The following KALRN variants were observed in gnomAD, a reference collection of about 807,000 sequenced individuals.
The protein encoded by KALRN is kalirin.
In KALRN, 70 loss-of-function variants were observed where a neutral mutation model predicts 353.7. The observed-to-expected ratio is 0.20, with a 90% confidence interval of 0.16 to 0.24. The LOEUF (loss-of-function observed/expected upper bound fraction) is 0.24, where lower values mean the gene tolerates loss of function less well. KALRN is among the 10% of genes least tolerant of loss of function. The pLI, the probability that KALRN is intolerant of heterozygous loss-of-function variation, is 1.00. For synonymous variants in KALRN, 1,391 were observed against 1,434.8 expected (o/e 0.97, Z 0.69); for missense variants, 2,791 against 3,756.7 (o/e 0.74, Z 6.72).
At chr3:124,311,478 A>G (rs925432578) in intron 6 of KALRN, among the ~76,000 whole-genome samples, 1 of 152,012 alleles carries the variant, frequency 6.6e-6, no homozygotes, top group African/African-American at 2.4e-5. Flanking sequence ...AAAGAAAAGT[A>G]AAACTCTGAT....
intron 34 of KALRN, among the ~76,000 whole-genome samples, chr3:124,601,800 T>C (rs1332749798): frequency 6.6e-6 from 1 of 151,866 alleles, no homozygotes; most frequent in Non-Finnish European, 1.5e-5. Context: ...GAGGCCAAGG[T>C]GGGTGGATTG....
chr3:124,689,197 G>A (rs1473028239), intron 51 of KALRN, among the ~76,000 whole-genome samples: 7 of 152,078 alleles, frequency 4.6e-5, no homozygotes, highest in Non-Finnish European at 7.4e-5. Context: ...CCACTATTTC[G>A]TCTATGTTTT....
intron 27 of KALRN, among the ~76,000 whole-genome samples, chr3:124,482,336 C>T (rs139269379): frequency 1.2e-3 from 178 of 152,202 alleles, no homozygotes; most frequent in African/African-American, 3.9e-3. Flanking sequence ...GAGATATATC[C>T]TTGTGCTATT....
At chr3:124,614,542 G>A (rs1188915101) in intron 34 of KALRN, among the ~76,000 whole-genome samples, 1 of 150,544 alleles carries the variant, frequency 6.6e-6, no homozygotes, top group Admixed American at 6.6e-5. Flanking sequence ...TTACAGGCAT[G>A]AGCCACTGCA....
chr3:124,590,999 T>C (rs1021597487), intron 34 of KALRN, among the ~76,000 whole-genome samples: 5 of 152,238 alleles, frequency 3.3e-5, no homozygotes, highest in Middle Eastern at 3.2e-3. Flanking sequence ...GAGGCAGGAC[T>C]GACCCAACTG....
chr3:124,475,418 C>T (rs539211604), intron 26 of KALRN, among the ~76,000 whole-genome samples: 3 of 152,280 alleles, frequency 2.0e-5, no homozygotes, highest in Admixed American at 6.5e-5. Context: ...CTCTCTACTC[C>T]GCATTATTCT....
At chr3:124,373,730 A>G (rs1472915558) in intron 10 of KALRN, among the ~76,000 whole-genome samples, 2 of 152,170 alleles carry the variant, frequency 1.3e-5, no homozygotes, top group South Asian at 2.1e-4. Flanking sequence ...AACACCAGTC[A>G]TACCACACTA....
At chr3:124,050,872 G>A (rs1012638814) in intron 1 of KALRN, among the ~76,000 whole-genome samples, 2 of 152,176 alleles carry the variant, frequency 1.3e-5, no homozygotes, top group African/African-American at 2.4e-5. Context: ...GAACATTGAC[G>A]CTTTCTCTTT....
chr3:124,502,428 G>T (rs1300425821), intron 33 of KALRN, among the ~76,000 whole-genome samples: 1 of 152,206 alleles, frequency 6.6e-6, no homozygotes, highest in African/African-American at 2.4e-5. Flanking sequence ...CAAGAGCTGG[G>T]ACATGGGTGC....
intron 33 of KALRN, among the ~76,000 whole-genome samples, chr3:124,548,996 T>C (rs534336932): frequency 6.6e-5 from 10 of 152,286 alleles, no homozygotes; most frequent in African/African-American, 2.4e-4. Context: ...CCCTATTAAG[T>C]TGGTACTTAT....
In KALRN at chr3:124,678,251, A is replaced by G. The variant is rs2087418509; in HGVS notation, c.7255A>G (p.Lys2419Glu). Reference protein sequence around the residue: ...RKRAEVENTGKNEATGPRKPK... With the variant: ...RKRAEVENTGENEATGPRKPK... Reference sequence around the variant, plus strand: ...GCGGGCGGAAGTGGAGAACACGGGTAAAAATGAAGCCACAGGGCCTCGTAA... The same window carrying G: ...GCGGGCGGAAGTGGAGAACACGGGTGAAAATGAAGCCACAGGGCCTCGTAA... The change falls in exon 50 of 60, where the codon AAA (lysine) becomes GAA (glutamate). Residue 2419 changes from lysine (K) to glutamate (E), a missense_variant. This residue lies in a region of KALRN where 1,065 missense variants were observed against 1,156.4 expected (regional missense o/e 0.92). Coordinates refer to ENST00000682506, the MANE Select transcript of KALRN (RefSeq NM_001388419.1). The G allele has an allele frequency of 1.9e-6, 3 of 1,614,018 alleles. No homozygotes were observed. Among genetic ancestry groups the G allele is most frequent in the Non-Finnish European group, 2.5e-6 (3 of 1,179,892 alleles).
intron 1 of KALRN, among the ~76,000 whole-genome samples, chr3:124,091,247 G>A (rs1440094427): frequency 6.6e-6 from 1 of 152,236 alleles, no homozygotes; most frequent in Non-Finnish European, 1.5e-5. Context: ...TTGGGGCAGG[G>A]TGAGGGAGAT....
chr3:124,323,025 T>G (rs2149383509), intron 6 of KALRN, among the ~76,000 whole-genome samples: 1 of 152,356 alleles, frequency 6.6e-6, no homozygotes, highest in East Asian at 1.9e-4. Flanking sequence ...CTGCCTCTAC[T>G]TCTTTTGTGA....
intron 23 of KALRN, among the ~76,000 whole-genome samples, chr3:124,457,348 G>T (rs569362248): frequency 6.6e-6 from 1 of 152,184 alleles, no homozygotes; most frequent in East Asian, 1.9e-4. Flanking sequence ...GGGATTATAG[G>T]CATGAGCCAC....
chr3:124,402,453 T>C (rs1025377387), intron 13 of KALRN, among the ~76,000 whole-genome samples: 1 of 152,242 alleles, frequency 6.6e-6, no homozygotes, highest in African/African-American at 2.4e-5. Flanking sequence ...CTAGTTATGA[T>C]AGAAGAGACA....
chr3:124,093,868 G>C (rs560712891), intron 1 of KALRN, among the ~76,000 whole-genome samples: 1 of 152,304 alleles, frequency 6.6e-6, no homozygotes, highest in African/African-American at 2.4e-5. Context: ...TGGCCATGAT[G>C]AGGTGGAGAG....
chr3:124,214,597 G>C (rs1229666049), intron 1 of KALRN, among the ~76,000 whole-genome samples: 1 of 152,152 alleles, frequency 6.6e-6, no homozygotes, highest in African/African-American at 2.4e-5. Flanking sequence ...AGATTACTGG[G>C]AGAGGATTAT....
At chr3:124,184,482 C>T (rs565050976) in intron 1 of KALRN, among the ~76,000 whole-genome samples, 9 of 152,270 alleles carry the variant, frequency 5.9e-5, no homozygotes, top group Admixed American at 3.3e-4. Context: ...CCTTGATCCC[C>T]AGCCTCTTCC....
chr3:124,415,036 T>C (rs2092419496), intron 14 of KALRN, among the ~76,000 whole-genome samples: 1 of 152,258 alleles, frequency 6.6e-6, no homozygotes, highest in Non-Finnish European at 1.5e-5. Flanking sequence ...TGTTCACTTT[T>C]GTCAGCATAG....
Sources: gnomAD v4.1 joint callset for allele counts (sites outside exome capture counted in the v4.1 genomes callset) on GRCh38, gnomAD v4.1.1 for gene constraint, gnomAD v4.1.1 regional missense constraint, MANE v1.5 for transcripts, NCBI Gene and HGNC (gene_info 2026-07-23, HGNC 2026-07-21) for gene names.